ZNF469: variants seen among roughly 807,000 people sequenced by gnomAD.
The protein encoded by ZNF469 is zinc finger protein 469.
ZNF469 carries 1 observed loss-of-function variant against 1.0 expected under a neutral mutation model. The observed-to-expected ratio is 1.00, with a 90% CI of 0.35 to 4.73. The LOEUF is 4.73. ZNF469 is among the 30% of genes most tolerant of loss of function. The pLI is 0.16. For missense variants in ZNF469, 6,100 were observed against 5,356.3 expected (o/e 1.14, Z -4.33); for synonymous variants, 2,703 against 2,363.4 (o/e 1.14, Z -4.17).
At chr16:88,386,969 C>A (rs997894106) in intron 1 of ZNF469, among the ~76,000 whole-genome samples, 3 of 152,198 alleles carry the variant, frequency 2.0e-5, no homozygotes, top group Non-Finnish European at 4.4e-5. Context: ...CAATCGTATA[C>A]TTCAGAGCTA....
At chr16:88,365,881 G>T in the ZNF469 span, among the ~76,000 whole-genome samples, 3 of 152,170 alleles carry the variant, frequency 2.0e-5, no homozygotes, top group Admixed American at 2.0e-4. Flanking sequence ...ACCCTTCCCA[G>T]ATTGAGTTCT....
At chr16:88,250,539 T>C in the ZNF469 span, among the ~76,000 whole-genome samples, 1 of 152,186 alleles carries the variant, frequency 6.6e-6, no homozygotes, top group Non-Finnish European at 1.5e-5. Flanking sequence ...TCTGGGAAGT[T>C]TTATGTCATT....
Position 88,437,578 on chromosome 16 carries a change from TG to T in ZNF469, c.10109del (p.Cys3370SerfsTer68). 6.5e-7 allele frequency: 1 copy of T among 1,536,202 alleles called. No homozygotes were observed. The highest frequency in any genetic ancestry group is 8.8e-7 in the Non-Finnish European group (1 of 1,136,712). ...GCAGCGCGTCTACCTGTGCCCCCGG[TG>T]CCCCCGGGTCTACCCCGAGCACGGG... ...SPQRVYLCPR[C>X]PRVYPEHGEL... is the part of the protein sequence containing the mutation. On this transcript the variant is annotated frameshift_variant, in exon 3 of 3. Coordinates refer to ENST00000565624, the MANE Select transcript of ZNF469 (RefSeq NM_001367624.2). LOFTEE classifies it low-confidence loss of function (END_TRUNC).
At chr16:88,115,754 C>T in the ZNF469 span, among the ~76,000 whole-genome samples, 22 of 151,934 alleles carry the variant, frequency 1.4e-4, no homozygotes, top group Non-Finnish European at 2.5e-4. Flanking sequence ...TGGGTCCTTC[C>T]AGCCATACTC....
At chr16:88,108,118 G>T in the ZNF469 span, among the ~76,000 whole-genome samples, 1 of 150,028 alleles carries the variant, frequency 6.7e-6, no homozygotes, top group African/African-American at 2.5e-5. Context: ...GGGATGTGGG[G>T]ATGGAGGTGC....
upstream of ZNF469, among the ~76,000 whole-genome samples, chr16:88,381,430 A>C (rs962205791): frequency 5.9e-5 from 9 of 152,130 alleles, no homozygotes; most frequent in African/African-American, 2.2e-4. Context: ...TCTCTCACAC[A>C]CACACACGGG....
At chr16:88,226,036 GCT>G in the ZNF469 span, among the ~76,000 whole-genome samples, 1 of 152,240 alleles carries the variant, frequency 6.6e-6, no homozygotes, top group Non-Finnish European at 1.5e-5. Context: ...ACCTCCCCAG[GCT>G]GCAGGGTGCC....
At chr16:88,224,802 C>G in the ZNF469 span, among the ~76,000 whole-genome samples, 1 of 152,354 alleles carries the variant, frequency 6.6e-6, no homozygotes, top group African/African-American at 2.4e-5. Context: ...TGTGCACACA[C>G]ATGTGCCCTG....
At chr16:88,394,878 G>A (rs8051284) in intron 1 of ZNF469, among the ~76,000 whole-genome samples, 38,421 of 151,936 alleles carry the variant, frequency 0.25, 5,427 homozygotes, top group African/African-American at 0.38. Flanking sequence ...CCACCACTGG[G>A]CAGGCACCCA....
At chr16:88,215,046 A>T in the ZNF469 span, among the ~76,000 whole-genome samples, 1 of 152,194 alleles carries the variant, frequency 6.6e-6, no homozygotes, top group Non-Finnish European at 1.5e-5. Context: ...TACTGTTTGA[A>T]TAATCTTTAA....
chr16:88,216,038 C>G, the ZNF469 span, among the ~76,000 whole-genome samples: 1 of 151,884 alleles, frequency 6.6e-6, no homozygotes, highest in African/African-American at 2.4e-5. Context: ...TCCTTTTGCC[C>G]TAAGAACTCT....
chr16:88,379,445 C>G (rs913932887), upstream of ZNF469, among the ~76,000 whole-genome samples: 2 of 152,232 alleles, frequency 1.3e-5, no homozygotes, highest in African/African-American at 4.8e-5. Context: ...TGGACGTGGC[C>G]CTCCTTTTCA....
intron 1 of ZNF469, among the ~76,000 whole-genome samples, chr16:88,422,328 GA>G (rs2142291223): frequency 1.8e-5 from 2 of 113,766 alleles, no homozygotes; most frequent in East Asian, 3.0e-4. Flanking sequence ...GTGAGTGATG[GA>G]TGGATGGGTG....
chr16:88,213,432 A>G, the ZNF469 span, among the ~76,000 whole-genome samples: 2 of 152,146 alleles, frequency 1.3e-5, no homozygotes, highest in African/African-American at 4.8e-5. Flanking sequence ...TTTTTATAGA[A>G]GAAGACTTCT....
chr16:88,337,070 C>G, the ZNF469 span, among the ~76,000 whole-genome samples: 1 of 152,216 alleles, frequency 6.6e-6, no homozygotes, highest in Non-Finnish European at 1.5e-5. Flanking sequence ...CATGGTTTAA[C>G]CGTTCACCAA....
chr16:88,411,342 G>A (rs1286785495), intron 1 of ZNF469, among the ~76,000 whole-genome samples: 2 of 152,114 alleles, frequency 1.3e-5, no homozygotes, highest in East Asian at 1.9e-4. Flanking sequence ...AGAGCCCAAC[G>A]CAGCCCCGGC....
chr16:88,381,174 A>G (rs1337451876), upstream of ZNF469, among the ~76,000 whole-genome samples: 1 of 144,208 alleles, frequency 6.9e-6, no homozygotes, highest in Non-Finnish European at 1.5e-5. Context: ...GCCCTCACAC[A>G]CAGACATGCA....
At chr16:88,142,519 G>T in the ZNF469 span, among the ~76,000 whole-genome samples, 1 of 152,220 alleles carries the variant, frequency 6.6e-6, no homozygotes, top group African/African-American at 2.4e-5. Context: ...CTGAACTCCA[G>T]CCTCAGGACT....
At chr16:88,140,473 A>AGGAAAGGAGG in the ZNF469 span, among the ~76,000 whole-genome samples, 19 of 151,234 alleles carry the variant, frequency 1.3e-4, no homozygotes, top group African/African-American at 3.9e-4. Context: ...GGTAGCACGG[A>AGGAAAGGAGG]AAGTCAGTGA....
Sources: gnomAD v4.1 joint callset for allele counts (sites outside exome capture counted in the v4.1 genomes callset) on GRCh38, gnomAD v4.1.1 for gene constraint, MANE v1.5 for transcripts, NCBI Gene and HGNC (gene_info 2026-07-23, HGNC 2026-07-21) for gene names.